Variants in ADCY9 observed in about 807,000 individuals in gnomAD.
ADCY9 encodes adenylate cyclase 9, also known as adenylate cyclase type 9.
A neutral mutation model predicts 101.5 loss-of-function variants in ADCY9; 50 were observed. That is an observed-to-expected ratio of 0.49 (90% CI 0.39 to 0.62). The LOEUF (loss-of-function observed/expected upper bound fraction) is 0.62. Among genes scored for constraint, ADCY9 ranks in the 20% least tolerant of loss-of-function variants. The pLI, the probability that ADCY9 is intolerant of heterozygous loss-of-function variation, is 0.00. For synonymous variants in ADCY9, 905 were observed against 769.3 expected (o/e 1.18, Z -2.92); for missense variants, 1,662 against 1,800.4 (o/e 0.92, Z 1.39).
At chr16:4,048,007 G>A (rs1190285705) in intron 2 of ADCY9, among the ~76,000 whole-genome samples, 1 of 152,096 alleles carries the variant, frequency 6.6e-6, no homozygotes, top group Non-Finnish European at 1.5e-5. Flanking sequence ...GGGCTTCTGT[G>A]ACGTCCCCTT....
chr16:4,026,083 T>G (rs1346588933), intron 2 of ADCY9, among the ~76,000 whole-genome samples: 1 of 152,178 alleles, frequency 6.6e-6, no homozygotes, highest in African/African-American at 2.4e-5. Context: ...AATGGATGGA[T>G]GAGCAGATAC....
intron 2 of ADCY9, among the ~76,000 whole-genome samples, chr16:4,021,354 G>C (rs765856646): frequency 6.6e-6 from 1 of 152,188 alleles, no homozygotes; most frequent in African/African-American, 2.4e-5. Flanking sequence ...CATCCCTTGC[G>C]CTGAAGCCTT....
chr16:4,040,715 C>T (rs547990526), intron 2 of ADCY9, among the ~76,000 whole-genome samples: 1 of 152,252 alleles, frequency 6.6e-6, no homozygotes, highest in South Asian at 2.1e-4. Flanking sequence ...CCTTGGCCTC[C>T]CACAGTGCTG....
intron 2 of ADCY9, among the ~76,000 whole-genome samples, chr16:4,103,361 C>T (rs947564727): frequency 6.6e-6 from 1 of 152,218 alleles, no homozygotes; most frequent in Non-Finnish European, 1.5e-5. Context: ...GACACTAAGA[C>T]AGCATTTGCC....
intron 6 of ADCY9, among the ~76,000 whole-genome samples, chr16:3,986,498 G>A (rs1015716549): frequency 3.3e-5 from 5 of 152,118 alleles, no homozygotes; most frequent in African/African-American, 4.8e-5. Flanking sequence ...TGCCCAGGCC[G>A]GAGTGCAATA....
At chr16:4,071,489 T>G (rs1406628781) in intron 2 of ADCY9, among the ~76,000 whole-genome samples, 1 of 152,122 alleles carries the variant, frequency 6.6e-6, no homozygotes, top group Admixed American at 6.6e-5. Flanking sequence ...TCACAATTCT[T>G]GCTACATTTG....
chr16:4,113,043 G>C (rs576027038), intron 2 of ADCY9, among the ~76,000 whole-genome samples: 1 of 152,000 alleles, frequency 6.6e-6, no homozygotes, highest in African/African-American at 2.4e-5. Context: ...CGGCAGGTAC[G>C]TTTCTCCCTT....
intron 2 of ADCY9, among the ~76,000 whole-genome samples, chr16:4,087,729 C>T (rs143856531): frequency 0.024 from 3,563 of 151,526 alleles, 92 homozygotes; most frequent in Non-Finnish European, 0.038. Flanking sequence ...ACTATTTGCT[C>T]GGATACTACA....
chr16:4,035,998 C>CAAAAAAAAAAAAAAAAAAAAAAA (rs55792873), intron 2 of ADCY9, among the ~76,000 whole-genome samples: 1 of 23,168 alleles, frequency 4.3e-5, no homozygotes. Context: ...AACTCCATCT[C>CAAAAAAAAAAAAAAAAAAAAAAA]AAAAAAAAAA....
In ADCY9 at chr16:3,965,021, G is replaced by A. The variant is rs1259616314; in HGVS notation, c.*754C>T. On this transcript the variant is annotated 3_prime_UTR_variant, in exon 11 of 11. Coordinates refer to ENST00000294016, the MANE Select transcript of ADCY9 (RefSeq NM_001116.4). ...AGGGTCGGGGGTGAGAGGCGGCTCT[G>A]AGACCCCCGAGGCCTGGGCACACGG... 4 of 152,408 alleles carry A rather than the reference G, an allele frequency of 2.6e-5. No individual in the cohort carries two copies. The East Asian group carries it at 5.8e-4, about 22-fold the overall frequency. The allele number at this position is 152,408 out of a possible 1,614,324, so 9.4% of individuals were successfully genotyped here. A position where few individuals can be genotyped will look rare whatever the true frequency, so the allele number is the denominator to read the frequency against.
At chr16:4,025,656 G>A (rs1230267993) in intron 2 of ADCY9, among the ~76,000 whole-genome samples, 7 of 152,190 alleles carry the variant, frequency 4.6e-5, no homozygotes, top group Non-Finnish European at 7.3e-5. Context: ...GAGGTCCTGT[G>A]CCATGTCCTG....
chr16:4,087,135 C>T (rs1022524251), intron 2 of ADCY9, among the ~76,000 whole-genome samples: 3 of 152,042 alleles, frequency 2.0e-5, no homozygotes, highest in African/African-American at 7.2e-5. Context: ...TCTTGGTGAG[C>T]GTTTCTACAT....
rs149406557 is a variant in ADCY9 at position 4,005,023 on chromosome 16, C to T, written c.1884+2345G>A. On this transcript the variant is annotated intron_variant, in intron 3 of 10. Transcript: ENST00000294016. ...ATGAGCATTCCCCCAAAAGGTGTGA[C>T]CACATTAGCCCTGCAAGGTGCAGCT... Among the ~76,000 whole-genome samples, 678 of 152,168 alleles carry T rather than the reference C, an allele frequency of 4.5e-3. 3 individuals are homozygous for T. The highest frequency in any genetic ancestry group is 0.034 in the Middle Eastern group (10 of 294).
chr16:4,113,943 C>T lies in ADCY9; in HGVS notation c.1500G>A (p.Leu500=). ...VHTGTVLCGI[L]GMRRFKFDVW... ...CGTCAAATTTAAACCTCCTCATGCCCAGGATGCCGCAAAGGACGGTGCCCG... is the reference window on the plus strand; with the variant it reads ...CGTCAAATTTAAACCTCCTCATGCCTAGGATGCCGCAAAGGACGGTGCCCG... The change falls in exon 2 of 11, where the codon CTG becomes CTA. Residue 500 remains leucine, a synonymous_variant. Transcript: ENST00000294016. 8 of 1,614,056 alleles carry T rather than the reference C, an allele frequency of 5.0e-6. No homozygotes were observed. Among genetic ancestry groups the T allele is most frequent in the Non-Finnish European group, 5.9e-6 (7 of 1,180,024 alleles).
intron 10 of ADCY9, among the ~76,000 whole-genome samples, chr16:3,967,227 C>A (rs2056006967): frequency 6.6e-6 from 1 of 152,214 alleles, no homozygotes; most frequent in Non-Finnish European, 1.5e-5. Context: ...TGGGCTCAAG[C>A]AATTTTCCTG....
chr16:3,989,762 C>T (rs957539852), intron 5 of ADCY9, among the ~76,000 whole-genome samples: 6 of 152,198 alleles, frequency 3.9e-5, no homozygotes, highest in African/African-American at 1.4e-4. Flanking sequence ...TTGTGAAGAA[C>T]ACGCAGATCA....
intron 2 of ADCY9, among the ~76,000 whole-genome samples, chr16:4,092,371 A>G (rs1474549662): frequency 6.6e-6 from 1 of 152,250 alleles, no homozygotes; most frequent in African/African-American, 2.4e-5. Flanking sequence ...GACTCCTACC[A>G]GACGTTTCTT....
chr16:4,085,970 C>A (rs1031823371), intron 2 of ADCY9, among the ~76,000 whole-genome samples: 2 of 151,510 alleles, frequency 1.3e-5, no homozygotes, highest in East Asian at 1.9e-4. Flanking sequence ...AAAAAAAAAA[C>A]AACACTCGCT....
intron 6 of ADCY9, chr16:3,983,671 G>C: frequency 1.8e-6 from 1 of 553,570 alleles, no homozygotes; most frequent in Non-Finnish European, 3.2e-6. Context: ...GCTCACGCCT[G>C]TAATCCCGAC....
Sources: allele counts gnomAD v4.1 joint callset (sites outside exome capture counted in the v4.1 genomes callset), GRCh38; gene constraint gnomAD v4.1.1; transcripts MANE v1.5; gene names NCBI Gene and HGNC (gene_info 2026-07-23, HGNC 2026-07-21).